The following CFAP20DC variants were observed in gnomAD, a reference collection of about 807,000 sequenced individuals.
The protein encoded by CFAP20DC is CFAP20 domain containing.
In CFAP20DC, 84 loss-of-function variants were observed where a neutral mutation model predicts 101.7. The ratio of observed to expected loss-of-function variants is 0.83; its 90% CI spans 0.69 to 0.99. The LOEUF (loss-of-function observed/expected upper bound fraction) is 0.99. Among genes scored for constraint, CFAP20DC ranks in the 50% least tolerant of loss-of-function variants. The pLI is 0.00. For missense variants in CFAP20DC, 1,007 were observed against 970.3 expected (o/e 1.04, Z -0.50); for synonymous variants, 359 against 351.2 (o/e 1.02, Z -0.25).
intron 15 of CFAP20DC, among the ~76,000 whole-genome samples, chr3:58,760,720 A>G (rs549559197): frequency 3.9e-5 from 6 of 152,262 alleles, no homozygotes; most frequent in Non-Finnish European, 1.5e-5. Flanking sequence ...GCAATACCTA[A>G]TTTATTGAGA....
chr3:59,011,125 T>C (rs911673379), intron 4 of CFAP20DC, among the ~76,000 whole-genome samples: 2 of 152,234 alleles, frequency 1.3e-5, no homozygotes, highest in Non-Finnish European at 2.9e-5. Flanking sequence ...AGGCCAGGCA[T>C]GGTGGCTCAC....
intron 4 of CFAP20DC, among the ~76,000 whole-genome samples, chr3:58,989,799 C>G (rs1170027850): frequency 1.3e-5 from 2 of 151,846 alleles, no homozygotes; most frequent in Admixed American, 1.3e-4. Context: ...TAATGCTTAC[C>G]ATATATGGCT....
In CFAP20DC at chr3:58,806,637, C is replaced by T. The variant is rs112432507; in HGVS notation, c.2176-181G>A. Among the ~76,000 whole-genome samples the T allele has an allele frequency of 1.7e-4, 26 of 152,266 alleles. 1 individual carries two copies. The highest frequency in any genetic ancestry group is 5.5e-4 in the African/African-American group (23 of 41,546). On this transcript the variant is annotated intron_variant, in intron 14 of 16. Transcript: ENST00000482387. The stretch of plus-strand genomic sequence containing the variant: ...TCCAGTGTACAGCTCCCAGCGTGAG[C>T]GATGCAGAAGACGGGTGATTTCTGC...
rs969705098 is a variant in CFAP20DC, at chr3:58,899,924, G to C, written c.550+13784C>G. On this transcript the variant is annotated intron_variant, in intron 6 of 16. Transcript: ENST00000482387. This position sits in a 1 kb window ranked among gnomAD's most constrained non-coding sequence, Gnocchi z 5.0. ...CAGCTGCTTTTAATCAGCCATCCTG[G>C]CCCTCTCTCCCCACAGATAATTCTT... Among the ~76,000 whole-genome samples, 1 of 152,130 alleles carries C rather than the reference G, an allele frequency of 6.6e-6. No individual in the cohort carries two copies. Among genetic ancestry groups the C allele is most frequent in the Non-Finnish European group, 1.5e-5 (1 of 68,020 alleles).
chr3:58,824,499 A>G (rs2075905332), intron 14 of CFAP20DC: 1 of 152,128 alleles, frequency 6.6e-6, no homozygotes, highest in South Asian at 2.1e-4. Context: ...TCAAGCTGCT[A>G]GAGATTTTGG....
At chr3:58,875,114 G>A (rs116380788) in intron 7 of CFAP20DC, among the ~76,000 whole-genome samples, 1,531 of 152,276 alleles carry the variant, frequency 0.01, 31 homozygotes, top group African/African-American at 0.034. Context: ...TGAACAAAAC[G>A]TTGATGTTCT....
chr3:59,012,648 T>A (rs995178118), intron 4 of CFAP20DC, among the ~76,000 whole-genome samples: 3 of 152,208 alleles, frequency 2.0e-5, no homozygotes, highest in Non-Finnish European at 4.4e-5. Context: ...ATTTTAGACA[T>A]GTATTTCTAG....
At chr3:58,731,246 C>A (rs2067640442) in intron 3 of CFAP20DC, among the ~76,000 whole-genome samples, 2 of 152,198 alleles carry the variant, frequency 1.3e-5, no homozygotes, top group South Asian at 4.1e-4. Flanking sequence ...TCCCAAGATT[C>A]CAGAAAACAG....
At chr3:58,736,371 T>C (rs1168744938) in intron 3 of CFAP20DC, among the ~76,000 whole-genome samples, 1 of 152,182 alleles carries the variant, frequency 6.6e-6, no homozygotes, top group African/African-American at 2.4e-5. Flanking sequence ...TGATTTTCTT[T>C]GAGATAATCT....
intron 7 of CFAP20DC, among the ~76,000 whole-genome samples, chr3:58,872,432 C>G (rs1045907253): frequency 6.6e-6 from 1 of 151,520 alleles, no homozygotes; most frequent in Non-Finnish European, 1.5e-5. Context: ...TCAGCAAGAT[C>G]CAGATATTTA....
chr3:58,783,290 T>G (rs967006048), intron 15 of CFAP20DC, among the ~76,000 whole-genome samples: 3 of 151,894 alleles, frequency 2.0e-5, no homozygotes, highest in African/African-American at 7.3e-5. Context: ...CAAGATGGAT[T>G]CAAGACTTAA....
intron 13 of CFAP20DC, among the ~76,000 whole-genome samples, chr3:58,833,462 A>G (rs1216008075): frequency 6.6e-6 from 1 of 152,194 alleles, no homozygotes; most frequent in Non-Finnish European, 1.5e-5. Context: ...GGGACAATAA[A>G]CACATACAAA....
At chr3:58,794,799 T>C (rs1370258964) in intron 15 of CFAP20DC, among the ~76,000 whole-genome samples, 1 of 152,194 alleles carries the variant, frequency 6.6e-6, no homozygotes, top group Non-Finnish European at 1.5e-5. Context: ...CTGGTTCTGC[T>C]GGAAGGCCAC....
At chr3:58,782,733 A>C (rs1332795117) in intron 15 of CFAP20DC, among the ~76,000 whole-genome samples, 1 of 152,122 alleles carries the variant, frequency 6.6e-6, no homozygotes, top group Non-Finnish European at 1.5e-5. Flanking sequence ...CATAAGGAAA[A>C]CTACAAAACA....
intron 15 of CFAP20DC, among the ~76,000 whole-genome samples, chr3:58,771,128 A>C (rs949129588): frequency 1.3e-5 from 2 of 152,150 alleles, no homozygotes; most frequent in African/African-American, 4.8e-5. Context: ...GGAAACTGTC[A>C]TTCTCAGCAA....
chr3:58,789,754 T>C (rs567393553), intron 15 of CFAP20DC, among the ~76,000 whole-genome samples: 5 of 152,096 alleles, frequency 3.3e-5, no homozygotes, highest in African/African-American at 9.7e-5. Context: ...TTTAAAAACA[T>C]TGGGAGGAAA....
intron 15 of CFAP20DC, among the ~76,000 whole-genome samples, chr3:58,762,722 G>A (rs1189535908): frequency 2.0e-5 from 3 of 152,154 alleles, no homozygotes; most frequent in African/African-American, 7.2e-5. Context: ...AGCTCTTTTA[G>A]GGCAGACCTG....
chr3:58,719,511 G>T (rs1207144501), intron 3 of CFAP20DC, among the ~76,000 whole-genome samples: 1 of 152,192 alleles, frequency 6.6e-6, no homozygotes, highest in Non-Finnish European at 1.5e-5. Flanking sequence ...TTGCAGGCAT[G>T]GAAGATCCTG....
chr3:59,047,308 C>T (rs1699940974), intron 1 of CFAP20DC, 54 bp from the exon 2 acceptor site: 6 of 1,181,548 alleles, frequency 5.1e-6, no homozygotes, highest in Non-Finnish European at 7.3e-6. Flanking sequence ...AAGTATTATC[C>T]ACCACATAGT....
Sources: allele counts gnomAD v4.1 joint callset (sites outside exome capture counted in the v4.1 genomes callset), GRCh38; gene constraint gnomAD v4.1.1; non-coding constraint Gnocchi (gnomAD v3.1); transcripts MANE v1.5; gene names NCBI Gene and HGNC (gene_info 2026-07-23, HGNC 2026-07-21).